The following PLEKHA7 variants were observed in gnomAD, a reference collection of about 807,000 sequenced individuals.
The protein encoded by PLEKHA7 is pleckstrin homology domain containing A7, also known as pleckstrin homology domain-containing family A member 7.
PLEKHA7 carries 104 observed loss-of-function variants against 170.0 expected under a neutral mutation model. That is an observed-to-expected ratio of 0.61 (90% CI 0.52 to 0.72). The LOEUF (loss-of-function observed/expected upper bound fraction) is 0.72, where lower values mean the gene tolerates loss of function less well. PLEKHA7 is among the 30% of genes least tolerant of loss of function. The probability of loss-of-function intolerance (pLI) is 0.00; values close to 1 mark genes in which losing one functional copy is unlikely to be tolerated. For synonymous variants in PLEKHA7, 648 were observed against 660.8 expected, an observed-to-expected ratio of 0.98 and a Z score of 0.30; for missense variants, 1,615 against 1,671.7, an observed-to-expected ratio of 0.97 and a Z score of 0.59.
chr11:16,801,125 G>A (rs767575698), intron 16 of PLEKHA7, 50 bp from the exon 17 acceptor site: 1 of 1,528,990 alleles, frequency 6.5e-7, no homozygotes. Context: ...CTGCCCCCTT[G>A]GAAGGCCTCA....
chr11:16,871,264 G>A, intron 3 of PLEKHA7, 82 bp from the exon 4 acceptor site: 1 of 1,071,426 alleles, frequency 9.3e-7, no homozygotes, highest in Non-Finnish European at 1.4e-6. Flanking sequence ...GCAATGTCTG[G>A]TGACCCTGGT....
intron 4 of PLEKHA7, among the ~76,000 whole-genome samples, chr11:16,864,620 G>A (rs1854238557): frequency 6.6e-6 from 1 of 152,122 alleles, no homozygotes; most frequent in South Asian, 2.1e-4. Flanking sequence ...TGCTGTTCTT[G>A]TGATAGTGAG....
In PLEKHA7 at chr11:16,791,577, G is replaced by A. The variant is rs1195594128; in HGVS notation, c.2746-378C>T. ...TGCCCTGACTTCCATGCTTATCACAGCACCACCTACCTGGAGAGTAACATC... is the reference window on the plus strand; with the variant it reads ...TGCCCTGACTTCCATGCTTATCACAACACCACCTACCTGGAGAGTAACATC... On this transcript the variant is annotated intron_variant, in intron 19 of 26. Transcript: ENST00000531066. This position sits in a 1 kb window ranked among gnomAD's most constrained non-coding sequence, Gnocchi z 4.5. 1.5e-5 allele frequency: 7 copies of A among 477,294 alleles called. No individual in the cohort carries two copies. Among genetic ancestry groups the A allele is most frequent in the Non-Finnish European group, 2.5e-5 (6 of 240,944 alleles). 29.6% of individuals were successfully genotyped at this position (477,294 alleles called of 1,614,324 possible).
chr11:16,789,045 G>T lies in PLEKHA7; in HGVS notation c.3357+51C>A. 6.4e-7 allele frequency: 1 copy of T among 1,568,594 alleles called. No individual in the cohort carries two copies. The highest frequency in any genetic ancestry group is 8.6e-7 in the Non-Finnish European group (1 of 1,163,892). Reference sequence around the variant, plus strand: ...GTGCTTGTGTTTGGGGGACTCTGAGGGGCACTCGGCTCCCTGTCCCTGCCC... The same window carrying T: ...GTGCTTGTGTTTGGGGGACTCTGAGTGGCACTCGGCTCCCTGTCCCTGCCC... On this transcript the variant is annotated intron_variant, in intron 23 of 26. Coordinates refer to ENST00000531066, the MANE Select transcript of PLEKHA7 (RefSeq NM_001329630.2). The surrounding 1 kb of genome is among the most constrained non-coding windows in gnomAD (Gnocchi z 4.6).
At chr11:16,956,179 G>A (rs181684235) in intron 3 of PLEKHA7, among the ~76,000 whole-genome samples, 48 of 152,168 alleles carry the variant, frequency 3.2e-4, no homozygotes, top group African/African-American at 9.4e-4. Context: ...GTACACATAC[G>A]TACCTATTTT....
rs1048097412 is a variant in PLEKHA7, at chr11:16,790,813, T to G, written c.3037A>C (p.Thr1013Pro). The change falls in exon 21 of 27, where the codon ACG becomes CCG. Residue 1013 changes from threonine (T) to proline (P), a missense_variant. By Grantham distance (38) the Thr-to-Pro change is conservative. Coordinates refer to ENST00000531066, the MANE Select transcript of PLEKHA7 (RefSeq NM_001329630.2). Reference protein sequence around the residue: ...GLVGPESRYQTLPGRGLSGST... With the variant: ...GLVGPESRYQPLPGRGLSGST... The stretch of plus-strand genomic sequence containing the variant: ...CCTGCCTTACCTCTGCCTGGCAGCG[T>G]CTGGTACCTGCTCTCAGGGCCCACA... The G allele has an allele frequency of 1.2e-6, 2 of 1,608,922 alleles. No individual in the cohort carries two copies. The highest frequency in any genetic ancestry group is 2.7e-5 in the African/African-American group (2 of 74,828).
chr11:16,904,891 TAA>T (rs1857557222), intron 3 of PLEKHA7, among the ~76,000 whole-genome samples: 1 of 152,226 alleles, frequency 6.6e-6, no homozygotes, highest in African/African-American at 2.4e-5. Flanking sequence ...GCATGTTATG[TAA>T]AAAGACTTCT....
At chr11:16,828,410 C>T (rs996095549) in intron 9 of PLEKHA7, among the ~76,000 whole-genome samples, 16 of 152,160 alleles carry the variant, frequency 1.1e-4, no homozygotes, top group African/African-American at 3.6e-4. Flanking sequence ...CTTGAGGCCT[C>T]CCCAGCCATG....
chr11:16,801,848 A>G, intron 15 of PLEKHA7, 31 bp from the exon 16 acceptor site: 1 of 1,613,034 alleles, frequency 6.2e-7, no homozygotes, highest in South Asian at 1.1e-5. Flanking sequence ...AAACAGCAGG[A>G]TAGGAGGACA....
At chr11:16,784,727 T>C (rs537093115) in intron 24 of PLEKHA7, among the ~76,000 whole-genome samples, 93 of 152,258 alleles carry the variant, frequency 6.1e-4, no homozygotes, top group Non-Finnish European at 1.2e-3. Flanking sequence ...CCAGGGCAAA[T>C]CAGGTCATGG....
rs1193830878 is a variant in PLEKHA7, at chr11:16,782,880, G to A, written c.3667C>T (p.Pro1223Ser). The change falls in exon 26 of 27, where the codon CCG (proline) becomes TCG (serine). Residue 1223 changes from proline to serine, a missense_variant. By Grantham distance (74) the Pro-to-Ser change is moderately conservative. Transcript: ENST00000531066. ...CTGTTCTGGTCCTGGCCTGAGGTCG[G>A]CTGTAGGTTGCACATGCTGTAGGAG... ...LARSSMCNLQ[P>S]TSGQDQNSVA... The A allele has an allele frequency of 2.0e-6, 3 of 1,536,026 alleles. No individual in the cohort carries two copies. Among genetic ancestry groups the A allele is most frequent in the Middle Eastern group, 1.7e-4 (1 of 6,010 alleles).
chr11:16,959,483 AC>A (rs1861913257), intron 3 of PLEKHA7, among the ~76,000 whole-genome samples: 5 of 152,232 alleles, frequency 3.3e-5, no homozygotes, highest in Admixed American at 2.0e-4. Context: ...AAATGTGCCT[AC>A]ATGCTTGGAT....
intron 4 of PLEKHA7, among the ~76,000 whole-genome samples, chr11:16,856,617 G>A (rs575931955): frequency 6.6e-6 from 1 of 152,286 alleles, no homozygotes; most frequent in South Asian, 2.1e-4. Flanking sequence ...TCCCACCAAG[G>A]AGCTGCCCTG....
chr11:16,980,801 C>T (rs753592091), intron 3 of PLEKHA7, among the ~76,000 whole-genome samples: 6 of 152,176 alleles, frequency 3.9e-5, no homozygotes, highest in African/African-American at 7.2e-5. Context: ...GCAGGAGAAT[C>T]GCTTGAACCC....
intron 12 of PLEKHA7, among the ~76,000 whole-genome samples, chr11:16,814,576 CA>C (rs1352960402): frequency 6.6e-6 from 1 of 152,210 alleles, no homozygotes; most frequent in African/African-American, 2.4e-5. Flanking sequence ...GTTCTTGCAA[CA>C]GTTTAGAACA....
At chr11:16,800,052 G>A (rs936332631) in intron 17 of PLEKHA7, among the ~76,000 whole-genome samples, 2 of 152,176 alleles carry the variant, frequency 1.3e-5, no homozygotes, top group Non-Finnish European at 2.9e-5. Context: ...AAGAGCCTTG[G>A]TTAGAACTAT....
At chr11:16,983,649 A>G (rs1355522230) in intron 3 of PLEKHA7, among the ~76,000 whole-genome samples, 1 of 152,190 alleles carries the variant, frequency 6.6e-6, no homozygotes, top group Non-Finnish European at 1.5e-5. Context: ...TCCTGTCTCC[A>G]CTGCCGCACC....
intron 3 of PLEKHA7, among the ~76,000 whole-genome samples, chr11:16,945,485 C>A (rs1023056798): frequency 1.3e-5 from 2 of 152,140 alleles, no homozygotes; most frequent in African/African-American, 2.4e-5. Context: ...TCCTTAAGGA[C>A]AATACCTCTT....
chr11:16,781,026 T>C (rs1848984190), intron 26 of PLEKHA7: 1 of 986,220 alleles, frequency 1.0e-6, no homozygotes, highest in Non-Finnish European at 1.2e-6. Context: ...AGGGGGCCTT[T>C]AGGCGGGAGG....
Sources: gnomAD v4.1 joint callset for allele counts (sites outside exome capture counted in the v4.1 genomes callset) on GRCh38, gnomAD v4.1.1 for gene constraint, Gnocchi (gnomAD v3.1) non-coding constraint, MANE v1.5 for transcripts, NCBI Gene and HGNC (gene_info 2026-07-23, HGNC 2026-07-21) for gene names.